GAMT: variants seen among roughly 807,000 people sequenced by gnomAD.
GAMT encodes the protein guanidinoacetate N-methyltransferase.
Under a neutral mutation model 26.9 loss-of-function variants are expected in GAMT, and 26 were observed. That is an observed-to-expected ratio of 0.97 (90% confidence interval 0.71 to 1.34). The LOEUF is 1.34. Among genes scored for constraint, GAMT ranks in the 40% most tolerant of loss-of-function variants. The pLI is 0.00. For missense variants in GAMT, 412 were observed against 345.0 expected, an observed-to-expected ratio of 1.19 and a Z score of -1.54; for synonymous variants, 169 against 149.6, an observed-to-expected ratio of 1.13 and a Z score of -0.95.
In GAMT at chr19:1,399,213, G is replaced by GC. The variant is rs773648628; in HGVS notation, c.392-19dup. On this transcript the variant is annotated intron_variant, in intron 3 of 5. Transcript: ENST00000252288. This position sits in a 1 kb window ranked among gnomAD's most constrained non-coding sequence, Gnocchi z 6.2. ...CAGGATCCCTGCACGGAGAACAGAAGCCCACGCGGTCAGGGCCGGGCTCAG... is the reference window on the plus strand; with the variant it reads ...CAGGATCCCTGCACGGAGAACAGAAGCCCCACGCGGTCAGGGCCGGGCTCAG... The GC allele has an allele frequency of 5.6e-6, 9 of 1,613,172 alleles. No homozygotes were observed. The highest frequency in any genetic ancestry group is 6.8e-6 in the Non-Finnish European group (8 of 1,179,888).
chr19:1,400,573 G>A (rs1269619060), intron 1 of GAMT, among the ~76,000 whole-genome samples: 1 of 152,190 alleles, frequency 6.6e-6, no homozygotes, highest in Non-Finnish European at 1.5e-5. Context: ...TATCTCTCGG[G>A]TTAGTTACTT....
In GAMT at chr19:1,401,535, A is replaced by G; in HGVS notation, c.-59T>C. 8.5e-7 allele frequency: 1 copy of G among 1,178,898 alleles called. No homozygotes were observed. Among genetic ancestry groups the G allele is most frequent in the South Asian group, 3.4e-5 (1 of 29,226 alleles). The allele number at this position is 1,178,898 out of a possible 1,614,324, so 73.0% of individuals were successfully genotyped here. On this transcript the variant is annotated 5_prime_UTR_variant, in exon 1 of 6. Transcript: ENST00000252288. ...CGCGCCGCCCGGGCCCGCTCCCTGC[A>G]GGGGCTTGTGGGCCGGGGGCGGGTC...
chr19:1,398,609 G>C, intron 5 of GAMT: 1 of 813,288 alleles, frequency 1.2e-6, no homozygotes, highest in Non-Finnish European at 1.9e-6. Flanking sequence ...CTAGTTTTTT[G>C]TATTTTTTTT....
At chr19:1,397,568 T>A (rs1460425749) in intron 5 of GAMT, 69 bp from the exon 6 acceptor site, 9 of 1,587,182 alleles carry the variant, frequency 5.7e-6, no homozygotes, top group South Asian at 5.5e-5. Context: ...CGCCCACCCC[T>A]CATTGAAGAG....
chr19:1,401,460 G>A lies in GAMT; in HGVS notation c.17C>T (p.Ala6Val), dbSNP rs796052529. The change falls in exon 1 of 6, where the codon GCG (alanine) becomes GTG (valine). Residue 6 changes from alanine to valine, a missense_variant. Transcript: ENST00000252288. ...CTCGCCGGGCGCGAAGATGGGGGTCGCGCTGGGGGCGCTCATGCTGCAGGC... is the reference window on the plus strand; with the variant it reads ...CTCGCCGGGCGCGAAGATGGGGGTCACGCTGGGGGCGCTCATGCTGCAGGC... MSAPS[A>V]TPIFAPGENC... The A allele has an allele frequency of 5.1e-6, 7 of 1,374,278 alleles. 1 individual carries two copies. The highest frequency in any genetic ancestry group is 3.1e-5 in the East Asian group (1 of 32,418). The allele number at this position is 1,374,278 out of a possible 1,614,324, so 85.1% of individuals were successfully genotyped here. A position where few individuals can be genotyped will look rare whatever the true frequency, so the allele number is the denominator to read the frequency against.
In GAMT at chr19:1,401,435, C is replaced by A. The variant is rs775018136; in HGVS notation, c.42G>T (p.Glu14Asp). ...PSATPIFAPG[E>D]NCSPAWGAAP... ...CCGCCCCCCACGCGGGGCTGCAGTT[C>A]TCGCCGGGCGCGAAGATGGGGGTCG... Residue 14 changes from glutamate to aspartate, a missense_variant, in exon 1 of 6, where the codon GAG (glutamate) becomes GAT (aspartate). Coordinates refer to ENST00000252288, the MANE Select transcript of GAMT (RefSeq NM_000156.6). 4.9e-6 allele frequency: 7 copies of A among 1,417,138 alleles called. No homozygotes were observed. Among genetic ancestry groups the A allele is most frequent in the South Asian group, 1.5e-5 (1 of 68,944 alleles). 87.8% of individuals were successfully genotyped at this position (1,417,138 alleles called of 1,614,324 possible). A position where few individuals can be genotyped will look rare whatever the true frequency, so the allele number is the denominator to read the frequency against.
At chr19:1,400,555 G>A (rs1478893010) in intron 1 of GAMT, among the ~76,000 whole-genome samples, 2 of 152,164 alleles carry the variant, frequency 1.3e-5, no homozygotes, top group East Asian at 1.9e-4. Context: ...TGTTTGTCCC[G>A]GGTCCCTTAT....
Position 1,399,749 on chromosome 19 carries a change from C to T in GAMT, c.327+44G>A, listed in dbSNP as rs2082622301. 6.5e-7 allele frequency: 1 copy of T among 1,537,940 alleles called. No individual in the cohort carries two copies. The highest frequency in any genetic ancestry group is 8.8e-7 in the Non-Finnish European group (1 of 1,142,052). ...AACCCCCAGGAAGCAGTGCCCTCAC[C>T]CCAAGGAGTGGGGGTCCTGGAGGGC... On this transcript the variant is annotated intron_variant, in intron 2 of 5. Coordinates refer to ENST00000252288, the MANE Select transcript of GAMT (RefSeq NM_000156.6). The surrounding 1 kb of genome is among the most constrained non-coding windows in gnomAD (Gnocchi z 6.2).
In GAMT at chr19:1,401,325, T is replaced by A. The variant is rs1473896815; in HGVS notation, c.152A>T (p.His51Leu). Residue 51 changes from histidine to leucine, a missense_variant, in exon 1 of 6, where the codon CAC becomes CTC. Transcript: ENST00000252288. ...VMERWETPYM[H>L]ALAAAASSKG... The stretch of plus-strand genomic sequence containing the variant: ...GGAGGAGGCGGCGGCGGCCAGCGCG[T>A]GCATATAGGGGGTCTCCCAGCGCTC... 2.6e-6 allele frequency: 4 copies of A among 1,523,032 alleles called. No individual in the cohort carries two copies. In the Admixed American group the frequency reaches 7.7e-5, roughly 29 times the overall value. 94.3% of individuals were successfully genotyped at this position (1,523,032 alleles called of 1,614,324 possible).
In GAMT at chr19:1,399,867, C is replaced by T. The variant is rs988034166; in HGVS notation, c.253G>A (p.Glu85Lys). ...TCATTGCACTCGATGATCCAATGCT[C>T]ATCAATGGGCGCCTCCTGCACCTTT... The part of the protein sequence containing the change: ...ASKVQEAPID[E>K]HWIIECNDGV... The change falls in exon 2 of 6, where the codon GAG becomes AAG. Residue 85 changes from glutamate to lysine, a missense_variant. Glu to Lys is a moderately conservative substitution (Grantham distance 56, BLOSUM62 1). Transcript: ENST00000252288. This position sits in a 1 kb window ranked among gnomAD's most constrained non-coding sequence, Gnocchi z 6.2. The T allele has an allele frequency of 4.4e-6, 7 of 1,604,328 alleles. No individual in the cohort carries two copies. Among genetic ancestry groups the T allele is most frequent in the Non-Finnish European group, 6.0e-6 (7 of 1,176,290 alleles).
intron 5 of GAMT, chr19:1,397,880 C>G (rs2082609780): frequency 9.6e-6 from 11 of 1,144,806 alleles, no homozygotes; most frequent in Admixed American, 4.1e-5. Flanking sequence ...CCAGCCGGCT[C>G]TCACAACAGC....
Position 1,399,812 on chromosome 19 carries a change from G to A in GAMT, c.308C>T (p.Ala103Val), listed in dbSNP as rs1298671907. 2 of 1,574,224 alleles carry A rather than the reference G, an allele frequency of 1.3e-6. No individual in the cohort carries two copies. The highest frequency in any genetic ancestry group is 1.7e-6 in the Non-Finnish European group (2 of 1,160,682). The change falls in exon 2 of 6, where the codon GCC becomes GTC. Residue 103 changes from alanine (A) to valine (V), a missense_variant. Physicochemically the swap from Ala to Val is moderately conservative, Grantham distance 64. Transcript: ENST00000252288. The surrounding 1 kb of genome is among the most constrained non-coding windows in gnomAD (Gnocchi z 6.2). The part of the protein sequence containing the change: ...DGVFQRLRDW[A>V]PRQTHKVIPL... Reference sequence around the variant, plus strand: ...GGGCACCTTGTGTGTCTGCCGTGGGGCCCAGTCCCGGAGCCGCTGGAAGAC... The same window carrying A: ...GGGCACCTTGTGTGTCTGCCGTGGGACCCAGTCCCGGAGCCGCTGGAAGAC...
chr19:1,398,751 C>T lies in GAMT; in HGVS notation c.570+165G>A, dbSNP rs74253480. On this transcript the variant is annotated intron_variant, in intron 5 of 5. Transcript: ENST00000252288. ...GAGCCACTGCTCCTGGCAGCCACTGCGCCAGGCAAAGGACTTTGATTTCTA... is the reference window on the plus strand; with the variant it reads ...GAGCCACTGCTCCTGGCAGCCACTGTGCCAGGCAAAGGACTTTGATTTCTA... 0.012 allele frequency: 18,505 copies of T among 1,547,520 alleles called. 150 individuals carry two copies. The highest frequency in any genetic ancestry group is 0.013 in the Non-Finnish European group (15,450 of 1,146,930).
Position 1,401,390 on chromosome 19 carries a change from T to G in GAMT, c.87A>C (p.Ala29=), listed in dbSNP as rs1242704513. 1 of 1,495,286 alleles carries G rather than the reference T, an allele frequency of 6.7e-7. No individual in the cohort carries two copies. 92.6% of individuals were successfully genotyped at this position (1,495,286 alleles called of 1,614,324 possible). The stretch of plus-strand genomic sequence containing the variant: ...CCAGGATGCGCAGGTGCGTGTCCGC[T>G]GCGTCGTAGGCCGCGGGCGCCGCCC... ...AWGAAPAAYD[A]ADTHLRILGK... The change falls in exon 1 of 6, where the codon GCA becomes GCC. Residue 29 remains alanine (A), a synonymous_variant. Transcript: ENST00000252288.
At chr19:1,398,452 T>C (rs924288603) in intron 5 of GAMT, 5 of 418,482 alleles carry the variant, frequency 1.2e-5, no homozygotes, top group Middle Eastern at 6.1e-4. Context: ...TTCTTTTTTC[T>C]TGAGACAGGG....
chr19:1,398,599 C>T (rs1198514717), intron 5 of GAMT: 2 of 758,236 alleles, frequency 2.6e-6, no homozygotes, highest in Non-Finnish European at 2.1e-6. Flanking sequence ...CCACGCCCAG[C>T]TAGTTTTTTG....
intron 5 of GAMT, chr19:1,397,759 T>C (rs1198668777): frequency 7.2e-7 from 1 of 1,381,076 alleles, no homozygotes; most frequent in Non-Finnish European, 9.4e-7. Flanking sequence ...ACTCCACAGT[T>C]CTCCAGACCT....
At chr19:1,397,676 TC>T in intron 5 of GAMT, 177 bp from the exon 6 acceptor site, 1 of 1,382,130 alleles carries the variant, frequency 7.2e-7, no homozygotes, top group Non-Finnish European at 9.6e-7. Flanking sequence ...AATCTCCAGC[TC>T]CCCAGTGCGG....
In GAMT at chr19:1,399,678, C is replaced by A; in HGVS notation, c.328-91G>T. 2 of 1,526,650 alleles carry A rather than the reference C, an allele frequency of 1.3e-6. No individual in the cohort carries two copies. The highest frequency in any genetic ancestry group is 1.8e-6 in the Non-Finnish European group (2 of 1,131,436). 94.6% of individuals were successfully genotyped at this position (1,526,650 alleles called of 1,614,324 possible). ...GAAAGGGAGCGGCCAGGGGGACTCC[C>A]GAGAGAGAAGACCACCTCCTCCACC... On this transcript the variant is annotated intron_variant, in intron 2 of 5. Transcript: ENST00000252288. The surrounding 1 kb of genome is among the most constrained non-coding windows in gnomAD (Gnocchi z 6.2).
Sources: gnomAD v4.1 joint callset for allele counts (sites outside exome capture counted in the v4.1 genomes callset) on GRCh38, gnomAD v4.1.1 for gene constraint, Gnocchi (gnomAD v3.1) non-coding constraint, MANE v1.5 for transcripts, NCBI Gene and HGNC (gene_info 2026-07-23, HGNC 2026-07-21) for gene names.